GALNT17: variants seen among roughly 807,000 people sequenced by gnomAD.
GALNT17 encodes the protein UDP-GalNAc:polypeptide N-acetylgalactosaminyltransferase-like 3.
In GALNT17, 29 loss-of-function variants were observed where a neutral mutation model predicts 63.7. The ratio of observed to expected loss-of-function variants is 0.46; its 90% confidence interval spans 0.34 to 0.62. GALNT17 has a LOEUF of 0.62. Among genes scored for constraint, GALNT17 ranks in the 20% least tolerant of loss-of-function variants. The pLI is 0.01. For missense variants in GALNT17, 603 were observed against 799.6 expected, an observed-to-expected ratio of 0.75 and a Z score of 2.97; for synonymous variants, 305 against 318.3, an observed-to-expected ratio of 0.96 and a Z score of 0.45.
intron 9 of GALNT17, among the ~76,000 whole-genome samples, chr7:71,709,104 G>C (rs1009431775): frequency 1.3e-5 from 2 of 152,192 alleles, no homozygotes; most frequent in Admixed American, 6.5e-5. Flanking sequence ...TCAAACAGTA[G>C]TTCTACTTTT....
chr7:71,662,096 T>C (rs1562726661), intron 6 of GALNT17, among the ~76,000 whole-genome samples: 1 of 152,102 alleles, frequency 6.6e-6, no homozygotes, highest in Non-Finnish European at 1.5e-5. Context: ...CTGGATGGCT[T>C]GTGGAGGACA....
intron 1 of GALNT17, among the ~76,000 whole-genome samples, chr7:71,221,098 T>C (rs550809710): frequency 2.8e-4 from 42 of 152,228 alleles, no homozygotes; most frequent in African/African-American, 9.9e-4. Context: ...CATGGAACTT[T>C]CCTTTGCTCC....
chr7:71,321,914 C>CCTTT (rs1563001177), intron 1 of GALNT17, among the ~76,000 whole-genome samples: 2,383 of 72,140 alleles, frequency 0.033, 121 homozygotes, highest in Non-Finnish European at 0.047. Flanking sequence ...TTCCTTCCTT[C>CCTTT]CTTCCTTCCC....
chr7:71,592,942 T>C (rs1020202818), intron 6 of GALNT17, among the ~76,000 whole-genome samples: 1 of 151,884 alleles, frequency 6.6e-6, no homozygotes, highest in African/African-American at 2.4e-5. Flanking sequence ...AGCCCAGGAG[T>C]TCGAGACCAG....
intron 1 of GALNT17, among the ~76,000 whole-genome samples, chr7:71,193,454 C>CTTTTTT (rs1159902249): frequency 6.5e-5 from 7 of 107,322 alleles, no homozygotes; most frequent in Admixed American, 1.1e-4. Flanking sequence ...ACGCTTTTGT[C>CTTTTTT]TTTTTTTTTT....
chr7:71,529,302 G>A (rs1294357981), intron 5 of GALNT17, among the ~76,000 whole-genome samples: 1 of 146,614 alleles, frequency 6.8e-6, no homozygotes, highest in African/African-American at 2.6e-5. Flanking sequence ...ATCTTCAAGG[G>A]ATGGGGGGGC....
intron 1 of GALNT17, among the ~76,000 whole-genome samples, chr7:71,227,290 G>GGAGTTCAAGGCT (rs1234886287): frequency 2.0e-5 from 3 of 151,836 alleles, no homozygotes; most frequent in African/African-American, 4.8e-5. Flanking sequence ...CTTGAGTGCA[G>GGAGTTCAAGGCT]GAGTTCAAGG....
chr7:71,681,379 T>C (rs492045), intron 9 of GALNT17, among the ~76,000 whole-genome samples: 31,833 of 152,228 alleles, frequency 0.21, 3,849 homozygotes, highest in Non-Finnish European at 0.28. Flanking sequence ...TGTCTTGGAA[T>C]AGACCAAATG....
chr7:71,311,329 G>A (rs1791410402), intron 1 of GALNT17, among the ~76,000 whole-genome samples: 1 of 152,214 alleles, frequency 6.6e-6, no homozygotes, highest in East Asian at 1.9e-4. Context: ...CGACTCATTT[G>A]GCTTAGGCCC....
At chr7:71,296,817 G>T (rs1490658070) in intron 1 of GALNT17, among the ~76,000 whole-genome samples, 1 of 151,898 alleles carries the variant, frequency 6.6e-6, no homozygotes, top group Non-Finnish European at 1.5e-5. Flanking sequence ...GTTATAAGAT[G>T]GTAGAAATAC....
chr7:71,437,112 C>T (rs1245133312), intron 5 of GALNT17, among the ~76,000 whole-genome samples: 1 of 152,132 alleles, frequency 6.6e-6, no homozygotes, highest in Non-Finnish European at 1.5e-5. Flanking sequence ...GTTGCTGACC[C>T]CCCTGAGTAG....
intron 9 of GALNT17, among the ~76,000 whole-genome samples, chr7:71,693,275 C>T (rs971908983): frequency 8.8e-6 from 1 of 113,744 alleles, no homozygotes; most frequent in African/African-American, 3.9e-5. Context: ...CACACACACA[C>T]ACACACACAC....
chr7:71,539,707 CTTTTTTTTTTTTTTTTT>C (rs71089953), intron 5 of GALNT17, among the ~76,000 whole-genome samples: 1 of 71,416 alleles, frequency 1.4e-5, no homozygotes, highest in Admixed American at 2.5e-4. Context: ...TTAGTCCCAC[CTTTTTTTTTTTTTTTTT>C]TTTTTTTTGA....
chr7:71,463,455 C>G (rs1787484375), intron 5 of GALNT17, among the ~76,000 whole-genome samples: 1 of 152,062 alleles, frequency 6.6e-6, no homozygotes, highest in Non-Finnish European at 1.5e-5. Flanking sequence ...CCAATCCAGA[C>G]CTCAAGAGAG....
chr7:71,596,962 A>C (rs1265214089), intron 6 of GALNT17, among the ~76,000 whole-genome samples: 1 of 152,026 alleles, frequency 6.6e-6, no homozygotes, highest in Non-Finnish European at 1.5e-5. Context: ...CCCATGCAGG[A>C]GAATCACTTG....
chr7:71,198,762 G>T lies in GALNT17; in HGVS notation c.238+65722G>T, dbSNP rs114580941. Among the ~76,000 whole-genome samples the T allele has an allele frequency of 2.9e-3, 435 of 152,256 alleles. 4 individuals are homozygous for T. The highest frequency in any genetic ancestry group is 9.8e-3 in the African/African-American group (408 of 41,546). ...ATTTTCACTTCATTTCATCCAGAAG[G>T]TCTCTATGTTTTCTTATAAAGAGAC... On this transcript the variant is annotated intron_variant, in intron 1 of 10. Transcript: ENST00000333538.
At chr7:71,474,656 G>GA (rs1232660687) in intron 5 of GALNT17, among the ~76,000 whole-genome samples, 8 of 152,002 alleles carry the variant, frequency 5.3e-5, no homozygotes, top group Admixed American at 2.6e-4. Context: ...TTCTCCACCA[G>GA]AAAAAAAATC....
At chr7:71,684,915 T>C (rs1208464595) in intron 9 of GALNT17, among the ~76,000 whole-genome samples, 1 of 152,128 alleles carries the variant, frequency 6.6e-6, no homozygotes, top group Non-Finnish European at 1.5e-5. Flanking sequence ...TCCTCCCACC[T>C]TGGCCTCCCA....
intron 5 of GALNT17, among the ~76,000 whole-genome samples, chr7:71,482,081 A>ATGTGTGTGTGTGTGTGTGTG (rs10678512): frequency 0.031 from 4,343 of 138,000 alleles, 159 homozygotes; most frequent in East Asian, 0.18. Flanking sequence ...ATATATGTAT[A>ATGTGTGTGTGTGTGTGTGTG]TGTGTGTGTG....
Sources: gnomAD v4.1 joint callset for allele counts (sites outside exome capture counted in the v4.1 genomes callset) on GRCh38, gnomAD v4.1.1 for gene constraint, MANE v1.5 for transcripts, NCBI Gene and HGNC (gene_info 2026-07-23, HGNC 2026-07-21) for gene names.